Variants in RNGTT observed in about 807,000 individuals in gnomAD.
RNGTT encodes the protein mRNA-capping enzyme.
In RNGTT, 33 loss-of-function variants were observed where a neutral mutation model predicts 79.3. The observed-to-expected ratio is 0.42, with a 90% CI of 0.32 to 0.56. The LOEUF (loss-of-function observed/expected upper bound fraction) is 0.56, where lower values mean the gene tolerates loss of function less well. Among genes scored for constraint, RNGTT ranks in the 20% least tolerant of loss-of-function variants. The pLI, the probability that RNGTT is intolerant of heterozygous loss-of-function variation, is 0.17. For synonymous variants in RNGTT, 222 were observed against 235.9 expected, an observed-to-expected ratio of 0.94 and a Z score of 0.54; for missense variants, 497 against 739.1, an observed-to-expected ratio of 0.67 and a Z score of 3.80.
At chr6:88,866,419 C>T (rs940440320) in intron 8 of RNGTT, among the ~76,000 whole-genome samples, 16 of 152,146 alleles carry the variant, frequency 1.1e-4, no homozygotes, top group South Asian at 8.3e-4. Context: ...ACAGGCACTA[C>T]CAAAGACACA....
At chr6:88,829,721 A>AAAAC (rs1562274091) in intron 11 of RNGTT, among the ~76,000 whole-genome samples, 47 of 115,574 alleles carry the variant, frequency 4.1e-4, no homozygotes, top group South Asian at 5.7e-4. Flanking sequence ...AAAAAAAAAA[A>AAAAC]AAACCAGGGG....
At chr6:88,663,656 A>G (rs1415447892) in intron 14 of RNGTT, among the ~76,000 whole-genome samples, 1 of 152,172 alleles carries the variant, frequency 6.6e-6, no homozygotes, top group Admixed American at 6.5e-5. Context: ...ATCGAAGCCC[A>G]CAGCCCCTGA....
intron 13 of RNGTT, among the ~76,000 whole-genome samples, chr6:88,698,237 TATATATATGAA>T (rs1357004037): frequency 4.5e-5 from 5 of 111,652 alleles, no homozygotes; most frequent in African/African-American, 1.9e-4. Context: ...ATATATGAAA[TATATATATGAA>T]ATATATATAT....
chr6:88,817,749 ATTT>A (rs71554802), intron 11 of RNGTT, among the ~76,000 whole-genome samples: 106 of 71,536 alleles, frequency 1.5e-3, no homozygotes, highest in African/African-American at 5.9e-3. Flanking sequence ...TATTCACATC[ATTT>A]TTTTTTTTTT....
intron 11 of RNGTT, among the ~76,000 whole-genome samples, chr6:88,807,089 TG>T (rs1779983298): frequency 6.6e-6 from 1 of 151,866 alleles, no homozygotes; most frequent in African/African-American, 2.4e-5. Flanking sequence ...CAGGCACCTG[TG>T]GGGGGCATGG....
At chr6:88,901,493 A>ATTTTTTTTT (rs1562310733) in intron 6 of RNGTT, among the ~76,000 whole-genome samples, 1 of 97,560 alleles carries the variant, frequency 1.0e-5, no homozygotes, top group Non-Finnish European at 2.1e-5. Context: ...AAGCACCCTG[A>ATTTTTTTTT]TCTTTTTTTT....
rs11354100 is a variant in RNGTT at position 88,817,490 on chromosome 6, T to TAAAA, written c.1270-15862_1270-15859dup. On this transcript the variant is annotated intron_variant, in intron 11 of 15. Transcript: ENST00000369485. ...GATCCTGTCTCTACAAAAAAATAAG[T>TAAAA]AAAAAAAAAAAAAAAAAAAAAAAAA... Among the ~76,000 whole-genome samples the TAAAA allele has an allele frequency of 6.7e-3, 299 of 44,494 alleles. 4 individuals carry two copies. The highest frequency in any genetic ancestry group is 0.024 in the African/African-American group (249 of 10,308). 29.2% of individuals were successfully genotyped at this position (44,494 alleles called of 152,430 possible). A position where few individuals can be genotyped will look rare whatever the true frequency, so the allele number is the denominator to read the frequency against.
chr6:88,718,386 C>CAA (rs569752110), intron 13 of RNGTT, among the ~76,000 whole-genome samples: 20 of 90,312 alleles, frequency 2.2e-4, no homozygotes, highest in African/African-American at 6.3e-4. Context: ...GACTGTCTCT[C>CAA]AAAAAAAAAA....
At chr6:88,755,705 G>A (rs1049849295) in intron 13 of RNGTT, among the ~76,000 whole-genome samples, 1 of 152,040 alleles carries the variant, frequency 6.6e-6, no homozygotes, top group Non-Finnish European at 1.5e-5. Flanking sequence ...GATCACACCT[G>A]TAATCCCAGG....
At chr6:88,623,116 A>G (rs376363067) in intron 14 of RNGTT, among the ~76,000 whole-genome samples, 2 of 152,042 alleles carry the variant, frequency 1.3e-5, no homozygotes, top group African/African-American at 4.8e-5. Context: ...GGCAGTAGAA[A>G]GGAAGCAAAA....
At chr6:88,768,161 T>TGTGTGTGTGTGTG (rs1554215253) in intron 13 of RNGTT, among the ~76,000 whole-genome samples, 2 of 151,726 alleles carry the variant, frequency 1.3e-5, no homozygotes, top group African/African-American at 4.9e-5. Flanking sequence ...TGTGTGTGTG[T>TGTGTGTGTGTGTG]TTCTTTTTCT....
At chr6:88,791,139 C>A (rs1205580578) in intron 12 of RNGTT, among the ~76,000 whole-genome samples, 1 of 50,808 alleles carries the variant, frequency 2.0e-5, no homozygotes, top group African/African-American at 6.1e-5. Flanking sequence ...ATCACAAGTA[C>A]CTTTTTTTTT....
chr6:88,728,730 G>A (rs940419980), intron 13 of RNGTT, among the ~76,000 whole-genome samples: 7 of 152,116 alleles, frequency 4.6e-5, no homozygotes, highest in African/African-American at 1.7e-4. Context: ...ATCCCCCGCT[G>A]CCTGTACCTT....
At chr6:88,818,837 T>C (rs1780411186) in intron 11 of RNGTT, among the ~76,000 whole-genome samples, 1 of 152,222 alleles carries the variant, frequency 6.6e-6, no homozygotes. Flanking sequence ...GACTGCAAAA[T>C]TTAATCATTA....
intron 10 of RNGTT, among the ~76,000 whole-genome samples, chr6:88,847,897 A>G (rs1222744230): frequency 6.6e-6 from 1 of 151,986 alleles, no homozygotes; most frequent in African/African-American, 2.4e-5. Context: ...AAAAAAAGAG[A>G]CAGAAAACCA....
In RNGTT at chr6:88,702,939, CAT is replaced by C. The variant is rs1314422647; in HGVS notation, c.1440-24522_1440-24521del. On this transcript the variant is annotated intron_variant, in intron 13 of 15. Transcript: ENST00000369485. ...ATTCGACACATAAACAGCCAACAAACATATGAAAAAATGCTCCACATCACTAC... is the reference window on the plus strand; with the variant it reads ...ATTCGACACATAAACAGCCAACAAACATGAAAAAATGCTCCACATCACTAC... 7.2e-5 allele frequency among the ~76,000 whole-genome samples: 11 copies of C among 152,146 alleles called. No individual in the cohort carries two copies. In the East Asian group the frequency reaches 2.1e-3, roughly 29 times the overall value.
intron 12 of RNGTT, among the ~76,000 whole-genome samples, chr6:88,800,437 T>C (rs1254155421): frequency 1.3e-5 from 2 of 152,200 alleles, no homozygotes; most frequent in Admixed American, 1.3e-4. Context: ...AAATTATTAG[T>C]TCCCTTTCTT....
At chr6:88,962,308 GA>G (rs973801485) in intron 1 of RNGTT, among the ~76,000 whole-genome samples, 1 of 151,900 alleles carries the variant, frequency 6.6e-6, no homozygotes, top group Non-Finnish European at 1.5e-5. Flanking sequence ...CAATAAAGAT[GA>G]AAAAAACTAC....
At chr6:88,710,688 T>C (rs1200052919) in intron 13 of RNGTT, among the ~76,000 whole-genome samples, 1 of 152,206 alleles carries the variant, frequency 6.6e-6, no homozygotes, top group Non-Finnish European at 1.5e-5. Flanking sequence ...CTTTGTACTA[T>C]CCTATTGTAC....
Sources: allele counts gnomAD v4.1 joint callset (sites outside exome capture counted in the v4.1 genomes callset), GRCh38; gene constraint gnomAD v4.1.1; transcripts MANE v1.5; gene names NCBI Gene and HGNC (gene_info 2026-07-23, HGNC 2026-07-21).